The following BATF3 variants were observed in gnomAD, a reference collection of about 807,000 sequenced individuals.
BATF3 encodes basic leucine zipper transcriptional factor ATF-like 3.
In BATF3, 8 loss-of-function variants were observed where a neutral mutation model predicts 16.1. The observed-to-expected ratio is 0.50, with a 90% CI of 0.29 to 0.90. BATF3 has a LOEUF of 0.90. BATF3 is among the 40% of genes least tolerant of loss of function. The pLI, the probability that BATF3 is intolerant of heterozygous loss-of-function variation, is 0.08. For missense variants in BATF3, 139 were observed against 167.0 expected (o/e 0.83, Z 0.92); for synonymous variants, 74 against 72.7 (o/e 1.02, Z -0.09).
At chr1:212,687,651 C>G (rs1388203450) in intron 2 of BATF3, 1 of 152,196 alleles carries the variant, frequency 6.6e-6, no homozygotes, top group Non-Finnish European at 1.5e-5. Flanking sequence ...CTTTGTTGGG[C>G]ATGGTGACTC....
intron 2 of BATF3, among the ~76,000 whole-genome samples, chr1:212,688,961 T>C (rs1276496848): frequency 6.6e-6 from 1 of 152,196 alleles, no homozygotes; most frequent in Non-Finnish European, 1.5e-5. Flanking sequence ...TTCTCAACCC[T>C]GCCCCTTTGC....
chr1:212,692,627 G>T lies in BATF3; in HGVS notation c.195+4334C>A, dbSNP rs562411258. Reference sequence around the variant, plus strand: ...TAATTTTTGTATTTTTAGTGGAGATGGGGTTTCGCCATGTTGGCCAGGCTG... The same window carrying T: ...TAATTTTTGTATTTTTAGTGGAGATTGGGTTTCGCCATGTTGGCCAGGCTG... On this transcript the variant is annotated intron_variant, in intron 2 of 2. Transcript: ENST00000243440. Among the ~76,000 whole-genome samples the T allele has an allele frequency of 1.3e-4, 20 of 152,250 alleles. No individual in the cohort carries two copies. In the South Asian group the frequency reaches 3.9e-3, roughly 30 times the overall value.
At position 212,686,717 on chromosome 1, in the gene BATF3, T is replaced by A; in HGVS notation, c.*74A>T. On this transcript the variant is annotated 3_prime_UTR_variant, in exon 3 of 3. Coordinates refer to ENST00000243440, the MANE Select transcript of BATF3 (RefSeq NM_018664.3). Reference sequence around the variant, plus strand: ...GCCACAGGTGCCCCCTGTATACAATTGTGAAGGAAAAGCCTTCCTCCCAGG... The same window carrying A: ...GCCACAGGTGCCCCCTGTATACAATAGTGAAGGAAAAGCCTTCCTCCCAGG... 1 of 1,515,776 alleles carries A rather than the reference T, an allele frequency of 6.6e-7. No individual in the cohort carries two copies. The highest frequency in any genetic ancestry group is 1.2e-5 in the South Asian group (1 of 81,286). The allele number at this position is 1,515,776 out of a possible 1,614,324, so 93.9% of individuals were successfully genotyped here.
intron 1 of BATF3, chr1:212,698,276 C>T (rs1193234567): frequency 1.3e-5 from 2 of 152,176 alleles, no homozygotes; most frequent in Non-Finnish European, 2.9e-5. Context: ...TCACACAGAT[C>T]CTAGTTTTGT....
Position 212,699,696 on chromosome 1 carries a change from G to GCTGCGC in BATF3, c.66_67insGCGCAG (p.Gln22_Pro23insAlaGln). 1 of 1,350,476 alleles carries GCTGCGC rather than the reference G, an allele frequency of 7.4e-7. No homozygotes were observed. The highest frequency in any genetic ancestry group is 9.6e-7 in the Non-Finnish European group (1 of 1,046,672). The allele number at this position is 1,350,476 out of a possible 1,614,324, so 83.7% of individuals were successfully genotyped here. A position where few individuals can be genotyped will look rare whatever the true frequency, so the allele number is the denominator to read the frequency against. ...ACCTGCTGCTGCGGCTGCGGCTGCG[G>GCTGCGC]CTGGTTCCCGGGCGCCGCGACGCTC... On this transcript the variant is annotated inframe_insertion, in exon 1 of 3. Transcript: ENST00000243440. This position sits in a 1 kb window ranked among gnomAD's most constrained non-coding sequence, Gnocchi z 4.4.
In BATF3 at chr1:212,699,827, A is replaced by G. The variant is rs1657233980; in HGVS notation, c.-65T>C. 1.0e-6 allele frequency: 1 copy of G among 990,222 alleles called. No homozygotes were observed. The highest frequency in any genetic ancestry group is 1.2e-6 in the Non-Finnish European group (1 of 828,472). 61.3% of individuals were successfully genotyped at this position (990,222 alleles called of 1,614,324 possible). On this transcript the variant is annotated 5_prime_UTR_variant, in exon 1 of 3. Coordinates refer to ENST00000243440, the MANE Select transcript of BATF3 (RefSeq NM_018664.3). The surrounding 1 kb of genome is among the most constrained non-coding windows in gnomAD (Gnocchi z 4.4). ...GCGCGCCCTGCCCGTGGGGCTGCCT[A>G]CGGGCGCTGTCCCGCCGCCGGCATC...
intron 2 of BATF3, among the ~76,000 whole-genome samples, chr1:212,687,292 A>G (rs1018846638): frequency 2.6e-5 from 4 of 152,186 alleles, no homozygotes; most frequent in Admixed American, 6.5e-5. Context: ...AAAGTTCCCC[A>G]TGCCCCTGTG....
At chr1:212,687,072 G>A (rs1325090922) in intron 2 of BATF3, 93 bp from the exon 3 acceptor site, 1 of 809,142 alleles carries the variant, frequency 1.2e-6, no homozygotes, top group African/African-American at 1.7e-5. Flanking sequence ...GCCCATGAAA[G>A]CTGTCTCATT....
At chr1:212,695,594 G>A (rs1409419593) in intron 2 of BATF3, among the ~76,000 whole-genome samples, 9 of 150,902 alleles carry the variant, frequency 6.0e-5, no homozygotes, top group African/African-American at 2.2e-4. Flanking sequence ...AGCGAGCCAT[G>A]ATCATGCCAT....
At position 212,699,798 on chromosome 1, in the gene BATF3, G is replaced by A. The variant is rs956408830; in HGVS notation, c.-36C>T. 1.3e-6 allele frequency: 1 copy of A among 796,652 alleles called. No homozygotes were observed. Among genetic ancestry groups the A allele is most frequent in the Non-Finnish European group, 1.4e-6 (1 of 700,910 alleles). The allele number at this position is 796,652 out of a possible 1,614,324, so 49.3% of individuals were successfully genotyped here. A position where few individuals can be genotyped will look rare whatever the true frequency, so the allele number is the denominator to read the frequency against. On this transcript the variant is annotated 5_prime_UTR_variant, in exon 1 of 3. Coordinates refer to ENST00000243440, the MANE Select transcript of BATF3 (RefSeq NM_018664.3). The surrounding 1 kb of genome is among the most constrained non-coding windows in gnomAD (Gnocchi z 4.4). ...CCTCTGGCCCGGCCCGCCCCGCCCC[G>A]CCCGCGCGCCCTGCCCGTGGGGCTG...
In BATF3 at chr1:212,686,608, G is replaced by A; in HGVS notation, c.*183C>T. The A allele has an allele frequency of 3.9e-6, 4 of 1,017,138 alleles. No individual in the cohort carries two copies. The highest frequency in any genetic ancestry group is 3.2e-5 in the African/African-American group (2 of 61,886). The allele number at this position is 1,017,138 out of a possible 1,614,324, so 63.0% of individuals were successfully genotyped here. A position where few individuals can be genotyped will look rare whatever the true frequency, so the allele number is the denominator to read the frequency against. On this transcript the variant is annotated 3_prime_UTR_variant, in exon 3 of 3. Coordinates refer to ENST00000243440, the MANE Select transcript of BATF3 (RefSeq NM_018664.3). ...CTGGATCTGCACAAGGGCTCTGTGA[G>A]TTTGGCGCCTGTTGGATGTCGGGCT... is the stretch of plus-strand genomic sequence containing the variant.
chr1:212,688,207 A>G (rs894095156), intron 2 of BATF3, among the ~76,000 whole-genome samples: 11 of 152,158 alleles, frequency 7.2e-5, no homozygotes, highest in African/African-American at 2.7e-4. Context: ...TTGAAATGTT[A>G]GGATACAGCA....
At chr1:212,695,490 C>CGAAA (rs1657104615) in intron 2 of BATF3, among the ~76,000 whole-genome samples, 1 of 42,226 alleles carries the variant, frequency 2.4e-5, no homozygotes, top group Non-Finnish European at 3.9e-5. Context: ...GACTCTGTCT[C>CGAAA]AAAAAAAAAA....
intron 2 of BATF3, among the ~76,000 whole-genome samples, chr1:212,687,967 AAAAGAAAG>A (rs796615441): frequency 2.0e-5 from 2 of 99,672 alleles, no homozygotes; most frequent in African/African-American, 8.2e-5. Flanking sequence ...GAAAGAAAAA[AAAAGAAAG>A]AAAGAAAGAA....
rs560293750 is a variant in BATF3, at chr1:212,692,155, C to T, written c.195+4806G>A. Among the ~76,000 whole-genome samples the T allele has an allele frequency of 9.2e-5, 14 of 152,294 alleles. No individual in the cohort carries two copies. In the East Asian group the frequency reaches 2.7e-3, roughly 29 times the overall value. ...AGAGGGCTCGCCTTGACGGACACTC[C>T]TAGGACTTTGGAGATGGAGAACAAG... On this transcript the variant is annotated intron_variant, in intron 2 of 2. Coordinates refer to ENST00000243440, the MANE Select transcript of BATF3 (RefSeq NM_018664.3).
At chr1:212,692,521 T>TC (rs1657023890) in intron 2 of BATF3, among the ~76,000 whole-genome samples, 1 of 152,100 alleles carries the variant, frequency 6.6e-6, no homozygotes, top group Non-Finnish European at 1.5e-5. Flanking sequence ...CACTGCAACC[T>TC]CCACCTCCCA....
intron 2 of BATF3, 99 bp downstream of exon 2, chr1:212,696,862 T>C (rs1657144408): frequency 1.2e-6 from 1 of 868,896 alleles, no homozygotes; most frequent in Non-Finnish European, 1.9e-6. Context: ...GATATGAGTG[T>C]TGCTGAAATC....
chr1:212,696,571 C>T (rs1414653760), intron 2 of BATF3, among the ~76,000 whole-genome samples: 1 of 150,670 alleles, frequency 6.6e-6, no homozygotes, highest in Non-Finnish European at 1.5e-5. Flanking sequence ...AACCAGGAAC[C>T]AGGGACACAG....
chr1:212,693,428 G>A lies in BATF3; in HGVS notation c.195+3533C>T, dbSNP rs3768545. Among the ~76,000 whole-genome samples, 891 of 152,306 alleles carry A rather than the reference G, an allele frequency of 5.9e-3. 7 individuals carry two copies. The highest frequency in any genetic ancestry group is 0.021 in the East Asian group (108 of 5,188). Reference sequence around the variant, plus strand: ...TGTATACAGGTGGAGCCGCTGTCCTGGCCTCTTTGACCCTGTGATTCTCAA... The same window carrying A: ...TGTATACAGGTGGAGCCGCTGTCCTAGCCTCTTTGACCCTGTGATTCTCAA... On this transcript the variant is annotated intron_variant, in intron 2 of 2. Coordinates refer to ENST00000243440, the MANE Select transcript of BATF3 (RefSeq NM_018664.3).
Sources: gnomAD v4.1 joint callset for allele counts (sites outside exome capture counted in the v4.1 genomes callset) on GRCh38, gnomAD v4.1.1 for gene constraint, Gnocchi (gnomAD v3.1) non-coding constraint, MANE v1.5 for transcripts, NCBI Gene and HGNC (gene_info 2026-07-23, HGNC 2026-07-21) for gene names.